The following BICDL1 variants were observed in gnomAD, a reference collection of about 807,000 sequenced individuals.
BICDL1 encodes the protein BICD family like cargo adaptor 1, also known as BICD family-like cargo adapter 1.
Under a neutral mutation model 76.8 loss-of-function variants are expected in BICDL1, and 20 were observed. The ratio of observed to expected loss-of-function variants is 0.26; its 90% CI spans 0.18 to 0.38. BICDL1 has a LOEUF of 0.38. Ranked by LOEUF, BICDL1 falls within the 10% of genes least tolerant of loss-of-function variation. BICDL1 has a pLI of 1.00. For synonymous variants in BICDL1, 383 were observed against 337.1 expected, an observed-to-expected ratio of 1.14 and a Z score of -1.49; for missense variants, 700 against 798.6, an observed-to-expected ratio of 0.88 and a Z score of 1.49.
chr12:120,061,108 C>T (rs1376835394), intron 2 of BICDL1, among the ~76,000 whole-genome samples: 1 of 152,148 alleles, frequency 6.6e-6, no homozygotes, highest in Non-Finnish European at 1.5e-5. Flanking sequence ...TGTATTTTAG[C>T]ATTAGATCAT....
intron 2 of BICDL1, among the ~76,000 whole-genome samples, chr12:120,052,445 A>G (rs1265435968): frequency 6.6e-6 from 1 of 151,888 alleles, no homozygotes; most frequent in East Asian, 1.9e-4. Flanking sequence ...GTACAAAGTC[A>G]TTCATTTGGG....
chr12:120,044,346 T>G (rs190960287), intron 2 of BICDL1, among the ~76,000 whole-genome samples: 227 of 152,172 alleles, frequency 1.5e-3, no homozygotes, highest in Non-Finnish European at 2.2e-4. Context: ...AACACTAAAA[T>G]TTTCTTTCTT....
intron 2 of BICDL1, among the ~76,000 whole-genome samples, chr12:120,037,434 C>T (rs73410812): frequency 0.038 from 5,736 of 151,920 alleles, 344 homozygotes; most frequent in African/African-American, 0.13. Flanking sequence ...TCCCTGCTCC[C>T]GAGAATTTTC....
intron 8 of BICDL1, among the ~76,000 whole-genome samples, chr12:120,088,467 C>CT (rs1874624190): frequency 6.6e-6 from 1 of 151,948 alleles, no homozygotes. Context: ...AGCGATTCTC[C>CT]TGCCTCAGCC....
In BICDL1 at chr12:120,071,956, C is replaced by G. The variant is rs113471151; in HGVS notation, c.1089+155C>G. On this transcript the variant is annotated intron_variant, in intron 5 of 9. Transcript: ENST00000548673. This position sits in a 1 kb window ranked among gnomAD's most constrained non-coding sequence, Gnocchi z 4.8. The stretch of plus-strand genomic sequence containing the variant: ...TGGCTAGAGTGTCATGAAGCAGGCC[C>G]TGATGGAGCATGTCCCTGGCCCTCC... Among the ~76,000 whole-genome samples, 132 of 152,368 alleles carry G rather than the reference C, an allele frequency of 8.7e-4. 1 individual carries two copies. The highest frequency in any genetic ancestry group is 3.1e-3 in the African/African-American group (128 of 41,584).
rs141838118 is a variant in BICDL1 at position 120,012,080 on chromosome 12, TG to T, written c.645+13345del. The stretch of plus-strand genomic sequence containing the variant: ...ATCATGTCTGGTAACTTTGTAATGC[TG>T]CCGCCTTTGCATGCAGAACATATTC... On this transcript the variant is annotated intron_variant, in intron 2 of 9. Transcript: ENST00000548673. Among the ~76,000 whole-genome samples, 556 of 152,354 alleles carry T rather than the reference TG, an allele frequency of 3.6e-3. 2 individuals carry two copies. The highest frequency in any genetic ancestry group is 0.022 in the South Asian group (107 of 4,828).
intron 2 of BICDL1, among the ~76,000 whole-genome samples, chr12:120,012,769 TAAAGG>T (rs912575565): frequency 5.3e-5 from 8 of 152,080 alleles, no homozygotes; most frequent in South Asian, 2.1e-4. Context: ...TTTTCTTTTT[TAAAGG>T]AAAGGGAAGG....
intron 8 of BICDL1, among the ~76,000 whole-genome samples, chr12:120,087,275 G>T (rs1874500515): frequency 6.6e-6 from 1 of 152,262 alleles, no homozygotes. Flanking sequence ...CGTCGCTGCC[G>T]CAGTGGGCGG....
intron 2 of BICDL1, among the ~76,000 whole-genome samples, chr12:120,059,227 T>C (rs1205927083): frequency 6.6e-6 from 1 of 152,156 alleles, no homozygotes; most frequent in Admixed American, 6.5e-5. Context: ...TCCCAATAGC[T>C]GGTACTATAG....
intron 2 of BICDL1, among the ~76,000 whole-genome samples, chr12:120,059,031 A>G (rs1953045445): frequency 6.6e-6 from 1 of 152,190 alleles, no homozygotes; most frequent in Non-Finnish European, 1.5e-5. Flanking sequence ...AAATACAAGA[A>G]GATAGTATTA....
rs1397816053 is a variant in BICDL1 at position 120,094,329 on chromosome 12, TACA to T, written c.*1169_*1171del. ...CGGCAAGAATGTACCTGTAGATGTG[TACA>T]TACCACAGTGCTGTAATTTTGTATG... is the stretch of plus-strand genomic sequence containing the variant. On this transcript the variant is annotated 3_prime_UTR_variant, in exon 10 of 10. Transcript: ENST00000548673. 2.2e-6 allele frequency: 1 copy of T among 456,584 alleles called. No individual in the cohort carries two copies. Among genetic ancestry groups the T allele is most frequent in the Non-Finnish European group, 4.4e-6 (1 of 226,946 alleles). 28.3% of individuals were successfully genotyped at this position (456,584 alleles called of 1,614,324 possible). A position where few individuals can be genotyped will look rare whatever the true frequency, so the allele number is the denominator to read the frequency against.
At chr12:120,038,449 A>AT (rs778060877) in intron 2 of BICDL1, among the ~76,000 whole-genome samples, 25 of 149,948 alleles carry the variant, frequency 1.7e-4, no homozygotes, top group East Asian at 1.6e-3. Flanking sequence ...AAGTGTTTGT[A>AT]TTTTTTTTTT....
At chr12:120,044,251 A>C (rs1215276850) in intron 2 of BICDL1, among the ~76,000 whole-genome samples, 1 of 152,234 alleles carries the variant, frequency 6.6e-6, no homozygotes, top group East Asian at 1.9e-4. Flanking sequence ...TTAACTTTGT[A>C]ACCTTCTTTT....
chr12:120,054,838 C>T (rs972347810), intron 2 of BICDL1, among the ~76,000 whole-genome samples: 2 of 152,136 alleles, frequency 1.3e-5, no homozygotes, highest in African/African-American at 2.4e-5. Context: ...CGAGATCGCA[C>T]GACAGCACTC....
At chr12:120,015,181 T>C (rs1952035042) in intron 2 of BICDL1, among the ~76,000 whole-genome samples, 1 of 152,216 alleles carries the variant, frequency 6.6e-6, no homozygotes, top group Non-Finnish European at 1.5e-5. Flanking sequence ...CTTAACTTTA[T>C]GCAATAACCT....
chr12:120,061,933 C>T (rs1455751295), intron 3 of BICDL1, 107 bp downstream of exon 3: 2 of 699,732 alleles, frequency 2.9e-6, no homozygotes, highest in Non-Finnish European at 5.0e-6. Context: ...AAAGACATTT[C>T]TGTGCGAAAC....
intron 2 of BICDL1, among the ~76,000 whole-genome samples, chr12:120,050,423 C>T (rs528319605): frequency 1.4e-4 from 22 of 151,824 alleles, no homozygotes; most frequent in Admixed American, 2.6e-4. Flanking sequence ...CCCGCCACCA[C>T]GCCCAGCTAA....
intron 4 of BICDL1, among the ~76,000 whole-genome samples, chr12:120,068,439 T>C (rs1461967667): frequency 6.6e-6 from 1 of 152,192 alleles, no homozygotes; most frequent in Non-Finnish European, 1.5e-5. Context: ...GTCGTGTGTC[T>C]AGCTTCTAGC....
At chr12:120,040,282 A>G (rs1268664400) in intron 2 of BICDL1, among the ~76,000 whole-genome samples, 1 of 151,874 alleles carries the variant, frequency 6.6e-6, no homozygotes, top group Non-Finnish European at 1.5e-5. Context: ...TATTTTTAGT[A>G]GAGAATCGCT....
Sources: gnomAD v4.1 joint callset for allele counts (sites outside exome capture counted in the v4.1 genomes callset) on GRCh38, gnomAD v4.1.1 for gene constraint, Gnocchi (gnomAD v3.1) non-coding constraint, MANE v1.5 for transcripts, NCBI Gene and HGNC (gene_info 2026-07-23, HGNC 2026-07-21) for gene names.